Variants in AUTS2 observed in about 807,000 individuals in gnomAD.
AUTS2 encodes the protein autism susceptibility gene 2 protein.
Under a neutral mutation model 112.4 loss-of-function variants are expected in AUTS2, and 17 were observed. The observed-to-expected ratio is 0.15, with a 90% confidence interval of 0.10 to 0.23. The LOEUF is 0.23. Ranked by LOEUF, AUTS2 falls within the 10% of genes least tolerant of loss-of-function variation. AUTS2 has a pLI of 1.00. For synonymous variants in AUTS2, 751 were observed against 702.7 expected, an observed-to-expected ratio of 1.07 and a Z score of -1.09; for missense variants, 1,510 against 1,701.6, an observed-to-expected ratio of 0.89 and a Z score of 1.98.
intron 4 of AUTS2, among the ~76,000 whole-genome samples, chr7:70,369,894 C>G (rs1450380040): frequency 6.6e-6 from 1 of 152,132 alleles, no homozygotes; most frequent in Non-Finnish European, 1.5e-5. Context: ...TTGCCCATCC[C>G]CATTTTGAAG....
At chr7:70,470,786 C>G (rs1260725513) in intron 5 of AUTS2, among the ~76,000 whole-genome samples, 1 of 152,182 alleles carries the variant, frequency 6.6e-6, no homozygotes, top group Non-Finnish European at 1.5e-5. Flanking sequence ...AGCATCTGAA[C>G]TGGTTCTCCC....
intron 5 of AUTS2, among the ~76,000 whole-genome samples, chr7:70,560,803 G>A: frequency 6.6e-6 from 1 of 152,058 alleles, no homozygotes; most frequent in East Asian, 1.9e-4. Context: ...CTCTGATTGA[G>A]GACTGAAACA....
At chr7:70,366,374 CTT>C (rs1319716507) in intron 4 of AUTS2, among the ~76,000 whole-genome samples, 2 of 152,118 alleles carry the variant, frequency 1.3e-5, no homozygotes, top group Non-Finnish European at 2.9e-5. Context: ...ATGTTGAACT[CTT>C]GTCTCGTTGG....
chr7:70,486,991 T>TA (rs1477734387), intron 5 of AUTS2, among the ~76,000 whole-genome samples: 2 of 147,722 alleles, frequency 1.4e-5, no homozygotes, highest in Non-Finnish European at 3.0e-5. Context: ...CCTTTCCCTG[T>TA]AGGCATGGTG....
At chr7:70,738,090 G>A (rs767756136) in intron 6 of AUTS2, among the ~76,000 whole-genome samples, 8 of 152,218 alleles carry the variant, frequency 5.3e-5, no homozygotes, top group South Asian at 4.2e-4. Context: ...GTTTTCCTGC[G>A]TCTCACAGTG....
At chr7:70,726,684 G>A (rs1787053119) in intron 6 of AUTS2, among the ~76,000 whole-genome samples, 1 of 152,142 alleles carries the variant, frequency 6.6e-6, no homozygotes, top group Non-Finnish European at 1.5e-5. Flanking sequence ...ACCCTGTCCA[G>A]CTTATTGCTG....
At chr7:70,021,577 T>G (rs535096666) in intron 2 of AUTS2, among the ~76,000 whole-genome samples, 1 of 152,150 alleles carries the variant, frequency 6.6e-6, no homozygotes, top group Admixed American at 6.5e-5. Context: ...ACCCTTCACA[T>G]GTTCACTGTA....
At chr7:69,996,210 C>A (rs569189009) in intron 2 of AUTS2, among the ~76,000 whole-genome samples, 1 of 152,192 alleles carries the variant, frequency 6.6e-6, no homozygotes, top group African/African-American at 2.4e-5. Context: ...CCCTGGAACC[C>A]CCTTCATAAA....
chr7:70,396,588 G>T (rs1585097266), intron 4 of AUTS2, among the ~76,000 whole-genome samples: 1 of 152,082 alleles, frequency 6.6e-6, no homozygotes, highest in East Asian at 1.9e-4. Context: ...TGTTGGCCAG[G>T]CTGTTCTCGA....
intron 5 of AUTS2, among the ~76,000 whole-genome samples, chr7:70,614,390 A>C (rs1804246587): frequency 6.6e-6 from 1 of 152,212 alleles, no homozygotes; most frequent in African/African-American, 2.4e-5. Context: ...TCACAGTCAC[A>C]GGCCCTTGAA....
At chr7:70,776,551 C>T (rs770608874) in intron 13 of AUTS2, 30 of 158,958 alleles carry the variant, frequency 1.9e-4, no homozygotes, top group Admixed American at 4.5e-4. Flanking sequence ...GTAGTTGACT[C>T]TTAGCATTTA....
chr7:69,703,635 G>A (rs1797922802), intron 1 of AUTS2, among the ~76,000 whole-genome samples: 1 of 152,096 alleles, frequency 6.6e-6, no homozygotes, highest in South Asian at 2.1e-4. Context: ...CTCATCTGCT[G>A]GTTTGGTCAG....
At chr7:69,669,901 G>C (rs1276881832) in intron 1 of AUTS2, among the ~76,000 whole-genome samples, 1 of 152,128 alleles carries the variant, frequency 6.6e-6, no homozygotes. Flanking sequence ...CAGATCTGAG[G>C]ATATAGAGAT....
At chr7:70,317,384 T>C (rs2129617153) in intron 4 of AUTS2, among the ~76,000 whole-genome samples, 1 of 152,316 alleles carries the variant, frequency 6.6e-6, no homozygotes, top group East Asian at 1.9e-4. Flanking sequence ...CCAACAATAT[T>C]ACAGGAATAT....
At chr7:70,695,872 G>T (rs1809063874) in intron 5 of AUTS2, among the ~76,000 whole-genome samples, 1 of 152,132 alleles carries the variant, frequency 6.6e-6, no homozygotes, top group Non-Finnish European at 1.5e-5. Flanking sequence ...ACCACTTCAT[G>T]CCCCTACCCT....
At chr7:70,452,362 G>A (rs982901021) in intron 5 of AUTS2, among the ~76,000 whole-genome samples, 2 of 152,180 alleles carry the variant, frequency 1.3e-5, no homozygotes, top group East Asian at 3.9e-4. Context: ...GGGAGGCTGA[G>A]GGAGGAGGAT....
At chr7:70,141,174 A>C (rs1348815474) in intron 4 of AUTS2, among the ~76,000 whole-genome samples, 2 of 152,200 alleles carry the variant, frequency 1.3e-5, no homozygotes, top group Non-Finnish European at 2.9e-5. Flanking sequence ...GAGAAATTGC[A>C]TAATAGTGTG....
chr7:69,694,205 A>T (rs1797460881), intron 1 of AUTS2, among the ~76,000 whole-genome samples: 1 of 152,190 alleles, frequency 6.6e-6, no homozygotes, highest in Non-Finnish European at 1.5e-5. Flanking sequence ...TTGAAATTTG[A>T]GTATTCATTA....
intron 1 of AUTS2, among the ~76,000 whole-genome samples, chr7:69,826,912 A>G (rs1791274043): frequency 6.6e-6 from 1 of 152,100 alleles, no homozygotes; most frequent in Non-Finnish European, 1.5e-5. Flanking sequence ...CTTTACTTCC[A>G]TCTCAAGGAA....
Sources: gnomAD v4.1 joint callset for allele counts (sites outside exome capture counted in the v4.1 genomes callset) on GRCh38, gnomAD v4.1.1 for gene constraint, MANE v1.5 for transcripts, NCBI Gene and HGNC (gene_info 2026-07-23, HGNC 2026-07-21) for gene names.